The following ARHGAP42 variants were observed in gnomAD, a reference collection of about 807,000 sequenced individuals.
The protein encoded by ARHGAP42 is Rho GTPase activating protein 42.
In ARHGAP42, 63 loss-of-function variants were observed where a neutral mutation model predicts 125.0. That is an observed-to-expected ratio of 0.50 (90% CI 0.41 to 0.62). The LOEUF (loss-of-function observed/expected upper bound fraction) is 0.62, where lower values mean the gene tolerates loss of function less well. Ranked by LOEUF, ARHGAP42 falls within the 20% of genes least tolerant of loss-of-function variation. The pLI, the probability that ARHGAP42 is intolerant of heterozygous loss-of-function variation, is 0.00. For synonymous variants in ARHGAP42, 339 were observed against 351.0 expected, an observed-to-expected ratio of 0.97 and a Z score of 0.38; for missense variants, 766 against 1,024.2, an observed-to-expected ratio of 0.75 and a Z score of 3.44.
intron 1 of ARHGAP42, among the ~76,000 whole-genome samples, chr11:100,767,382 T>C (rs1229465296): frequency 6.6e-6 from 1 of 152,234 alleles, no homozygotes; most frequent in Non-Finnish European, 1.5e-5. Context: ...ACCCAGTTAA[T>C]CTGCCTTCAG....
intron 1 of ARHGAP42, among the ~76,000 whole-genome samples, chr11:100,763,521 T>C (rs1197681564): frequency 6.6e-6 from 1 of 152,156 alleles, no homozygotes; most frequent in African/African-American, 2.4e-5. Context: ...AGAGTCTTGC[T>C]GTGTCTCCTA....
At chr11:100,747,778 G>A (rs1862338741) in intron 1 of ARHGAP42, among the ~76,000 whole-genome samples, 1 of 151,972 alleles carries the variant, frequency 6.6e-6, no homozygotes, top group African/African-American at 2.4e-5. Flanking sequence ...CATTCAGGAG[G>A]CCTAATTACT....
chr11:100,811,623 C>A (rs1360978555), intron 3 of ARHGAP42, among the ~76,000 whole-genome samples: 1 of 151,792 alleles, frequency 6.6e-6, no homozygotes, highest in African/African-American at 2.4e-5. Flanking sequence ...CCTTAGCCTC[C>A]TGAGTAGCTA....
chr11:100,815,025 A>G (rs893942669), intron 3 of ARHGAP42, among the ~76,000 whole-genome samples: 2 of 152,224 alleles, frequency 1.3e-5, no homozygotes, highest in Non-Finnish European at 2.9e-5. Context: ...TGGGCCCTCT[A>G]AAACAAGTGC....
chr11:100,960,636 C>T (rs1350392268), intron 13 of ARHGAP42, among the ~76,000 whole-genome samples: 1 of 152,064 alleles, frequency 6.6e-6, no homozygotes. Flanking sequence ...ATCGATCATC[C>T]CTTCCCATCT....
At chr11:100,746,183 C>T (rs1293035422) in intron 1 of ARHGAP42, among the ~76,000 whole-genome samples, 1 of 152,228 alleles carries the variant, frequency 6.6e-6, no homozygotes, top group Non-Finnish European at 1.5e-5. Context: ...TTGATAAGCT[C>T]TTGCAAATTC....
chr11:100,879,484 T>A (rs1865906057), intron 4 of ARHGAP42, among the ~76,000 whole-genome samples: 1 of 152,216 alleles, frequency 6.6e-6, no homozygotes, highest in South Asian at 2.1e-4. Context: ...ATTCTTTATT[T>A]GGTGGGTTTT....
At chr11:100,733,999 A>G (rs1182675331) in intron 1 of ARHGAP42, among the ~76,000 whole-genome samples, 2 of 147,370 alleles carry the variant, frequency 1.4e-5, no homozygotes, top group African/African-American at 5.0e-5. Context: ...CAGTGGCACA[A>G]TCTCGGCTCA....
intron 1 of ARHGAP42, among the ~76,000 whole-genome samples, chr11:100,721,096 A>G (rs1417794534): frequency 6.6e-6 from 1 of 152,218 alleles, no homozygotes; most frequent in East Asian, 1.9e-4. Flanking sequence ...ATGAACCAAT[A>G]TTGATACATT....
chr11:100,711,591 C>A (rs138017862), intron 1 of ARHGAP42, among the ~76,000 whole-genome samples: 1 of 152,340 alleles, frequency 6.6e-6, no homozygotes, highest in African/African-American at 2.4e-5. Flanking sequence ...CTCCTGAGGT[C>A]AAGTGATCCT....
At chr11:100,973,631 T>G (rs1858312662) in intron 18 of ARHGAP42, among the ~76,000 whole-genome samples, 1 of 152,216 alleles carries the variant, frequency 6.6e-6, no homozygotes, top group Admixed American at 6.5e-5. Context: ...TAACCTTCTC[T>G]TTGTATCCCT....
chr11:100,783,146 C>G (rs978966641), intron 2 of ARHGAP42, among the ~76,000 whole-genome samples: 1 of 152,144 alleles, frequency 6.6e-6, no homozygotes, highest in African/African-American at 2.4e-5. Context: ...GCTTTGAACA[C>G]TAGTCTTGGC....
intron 6 of ARHGAP42, among the ~76,000 whole-genome samples, chr11:100,931,790 C>T (rs10791432): frequency 0.24 from 36,390 of 151,984 alleles, 4,822 homozygotes; most frequent in Middle Eastern, 0.36. Flanking sequence ...ATTTTTGATC[C>T]AATTTAAGCT....
chr11:100,756,137 G>A (rs1019158456), intron 1 of ARHGAP42, among the ~76,000 whole-genome samples: 1 of 145,294 alleles, frequency 6.9e-6, no homozygotes, highest in Non-Finnish European at 1.5e-5. Flanking sequence ...TGTAATCTCA[G>A]CACTTTGGGA....
chr11:100,958,872 C>G (rs2135296351), intron 12 of ARHGAP42, among the ~76,000 whole-genome samples: 1 of 151,974 alleles, frequency 6.6e-6, no homozygotes, highest in South Asian at 2.1e-4. Context: ...CTTGCTGTGC[C>G]TAGAATTTTT....
intron 1 of ARHGAP42, among the ~76,000 whole-genome samples, chr11:100,730,468 A>G (rs1196482791): frequency 1.3e-5 from 2 of 152,358 alleles, no homozygotes; most frequent in African/African-American, 2.4e-5. Flanking sequence ...ATTCAATTAC[A>G]GCTGAAAAGC....
rs758852999 is a variant in ARHGAP42, at chr11:100,943,782, G to C, written c.957G>C (p.Pro319=). ...AGAATGGCCTTGTTACTAGCTCACC[G>C]GAAATGTTTAAATTAAAATCTTGTA... ...GKMNGLVTSS[P]EMFKLKSCIR... Residue 319 remains proline (P), a synonymous_variant, in exon 10 of 24, where the codon CCG becomes CCC. Transcript: ENST00000298815. 6.5e-7 allele frequency: 1 copy of C among 1,549,304 alleles called. No individual in the cohort carries two copies. Among genetic ancestry groups the C allele is most frequent in the South Asian group, 1.2e-5 (1 of 83,852 alleles).
intron 7 of ARHGAP42, among the ~76,000 whole-genome samples, chr11:100,933,577 T>G (rs1307268603): frequency 6.6e-6 from 1 of 152,162 alleles, no homozygotes; most frequent in Non-Finnish European, 1.5e-5. Flanking sequence ...ACTTGAAATT[T>G]ATTGAGAGTT....
intron 3 of ARHGAP42, among the ~76,000 whole-genome samples, chr11:100,853,159 G>A (rs1865244475): frequency 1.3e-5 from 2 of 152,146 alleles, no homozygotes; most frequent in African/African-American, 4.8e-5. Context: ...AAAAGTGAAT[G>A]TATATGCAGG....
Sources: allele counts gnomAD v4.1 joint callset (sites outside exome capture counted in the v4.1 genomes callset), GRCh38; gene constraint gnomAD v4.1.1; transcripts MANE v1.5; gene names NCBI Gene and HGNC (gene_info 2026-07-23, HGNC 2026-07-21).